The following DCDC1 variants were observed in gnomAD, a reference collection of about 807,000 sequenced individuals.
DCDC1 encodes the protein doublecortin domain-containing protein 1.
DCDC1 carries 200 observed loss-of-function variants against 178.3 expected under a neutral mutation model. That is an observed-to-expected ratio of 1.12 (90% confidence interval 1.00 to 1.26). The LOEUF (loss-of-function observed/expected upper bound fraction) is 1.26, where lower values mean the gene tolerates loss of function less well. Ranked by LOEUF, DCDC1 falls within the 50% of genes most tolerant of loss-of-function variation. The pLI, the probability that DCDC1 is intolerant of heterozygous loss-of-function variation, is 0.00. For missense variants in DCDC1, 1,983 were observed against 1,749.2 expected (o/e 1.13, Z -2.38); for synonymous variants, 690 against 604.8 (o/e 1.14, Z -2.07).
chr11:31,282,527 T>C (rs1349769845), intron 7 of DCDC1, among the ~76,000 whole-genome samples: 1 of 152,002 alleles, frequency 6.6e-6, no homozygotes, highest in African/African-American at 2.4e-5. Flanking sequence ...ATATATTTGG[T>C]TATTTATTTC....
intron 18 of DCDC1, among the ~76,000 whole-genome samples, chr11:31,074,323 C>T (rs1956742463): frequency 6.6e-6 from 1 of 152,110 alleles, no homozygotes; most frequent in South Asian, 2.1e-4. Flanking sequence ...ACACAAAAGT[C>T]ATTTGCTATG....
chr11:30,893,638 A>G (rs1943972317), intron 35 of DCDC1, among the ~76,000 whole-genome samples: 1 of 152,152 alleles, frequency 6.6e-6, no homozygotes, highest in African/African-American at 2.4e-5. Context: ...GCACGTGCCT[A>G]AGATTTAGAT....
At chr11:30,991,131 C>T (rs1950954300) in intron 20 of DCDC1, among the ~76,000 whole-genome samples, 1 of 152,088 alleles carries the variant, frequency 6.6e-6, no homozygotes, top group Non-Finnish European at 1.5e-5. Context: ...CATGAGGAGG[C>T]TGGCTTGAAA....
chr11:31,039,574 C>A (rs1344827330), intron 20 of DCDC1, among the ~76,000 whole-genome samples: 1 of 151,952 alleles, frequency 6.6e-6, no homozygotes, highest in Non-Finnish European at 1.5e-5. Flanking sequence ...GCACTTGGTA[C>A]ATTTCAGTAT....
At chr11:31,043,165 G>A (rs1954589237) in intron 20 of DCDC1, among the ~76,000 whole-genome samples, 1 of 152,142 alleles carries the variant, frequency 6.6e-6, no homozygotes. Context: ...CATAGTTAAG[G>A]TACAGGAAAA....
At chr11:31,055,266 A>C (rs796832938) in intron 20 of DCDC1, among the ~76,000 whole-genome samples, 4 of 152,340 alleles carry the variant, frequency 2.6e-5, no homozygotes, top group East Asian at 3.9e-4. Flanking sequence ...TGGAAATGCA[A>C]ATCAAAACCA....
intron 23 of DCDC1, 67 bp downstream of exon 23, chr11:30,925,242 A>T: frequency 1.5e-6 from 2 of 1,343,000 alleles, no homozygotes; most frequent in Non-Finnish European, 2.1e-6. Flanking sequence ...ACTTATATTT[A>T]AGGGGATTCT....
chr11:31,351,396 A>G (rs1369163906), intron 1 of DCDC1, among the ~76,000 whole-genome samples: 4 of 152,114 alleles, frequency 2.6e-5, no homozygotes, highest in Non-Finnish European at 4.4e-5. Flanking sequence ...AATACATGCA[A>G]TTTTTCAAAT....
chr11:31,173,501 T>C (rs1489407847), intron 9 of DCDC1, among the ~76,000 whole-genome samples: 2 of 152,206 alleles, frequency 1.3e-5, no homozygotes, highest in Non-Finnish European at 1.5e-5. Flanking sequence ...ATTTTATCTC[T>C]GGATTGTATA....
intron 9 of DCDC1, among the ~76,000 whole-genome samples, chr11:31,230,802 T>C (rs1029423761): frequency 6.6e-6 from 1 of 152,222 alleles, no homozygotes; most frequent in Non-Finnish European, 1.5e-5. Context: ...TCTGGCATGT[T>C]ATAAATATTG....
chr11:30,962,188 A>T (rs1949142767), intron 20 of DCDC1, among the ~76,000 whole-genome samples: 1 of 152,136 alleles, frequency 6.6e-6, no homozygotes, highest in Non-Finnish European at 1.5e-5. Context: ...TTAATTTGCA[A>T]GCCAAAATTT....
intron 1 of DCDC1, among the ~76,000 whole-genome samples, chr11:31,364,656 T>C (rs1951872099): frequency 6.6e-6 from 1 of 152,222 alleles, no homozygotes. Context: ...CTTAGTGTAC[T>C]GCCTTGCACA....
At chr11:31,124,666 A>C (rs1247129824) in intron 11 of DCDC1, among the ~76,000 whole-genome samples, 1 of 152,190 alleles carries the variant, frequency 6.6e-6, no homozygotes. Context: ...CAAACTTGAC[A>C]AAAACAAGCA....
Position 31,230,785 on chromosome 11 carries a change from T to C in DCDC1, c.1221+10665A>G, listed in dbSNP as rs530235680. 5.3e-5 allele frequency among the ~76,000 whole-genome samples: 8 copies of C among 151,916 alleles called. No homozygotes were observed. The South Asian group carries it at 1.7e-3, about 31-fold the overall frequency. ...TTAGCTTAAAAACAGTTACAAAGTA[T>C]GTAATTTCTGGCATGTTATAAATAT... On this transcript the variant is annotated intron_variant, in intron 9 of 38. Transcript: ENST00000684477.
chr11:30,985,635 T>A (rs1950602494), intron 20 of DCDC1, among the ~76,000 whole-genome samples: 1 of 152,134 alleles, frequency 6.6e-6, no homozygotes, highest in Non-Finnish European at 1.5e-5. Flanking sequence ...ATATGAAATA[T>A]TAAAAGTAAA....
chr11:31,013,638 C>T (rs894921541), intron 20 of DCDC1, among the ~76,000 whole-genome samples: 4 of 152,094 alleles, frequency 2.6e-5, no homozygotes, highest in African/African-American at 9.7e-5. Context: ...AAAACAGTGG[C>T]AGGTCAATAT....
intron 9 of DCDC1, among the ~76,000 whole-genome samples, chr11:31,153,855 T>TCATG (rs1965450283): frequency 7.3e-6 from 1 of 137,114 alleles, no homozygotes; most frequent in Non-Finnish European, 1.5e-5. Context: ...TCACACAGTG[T>TCATG]CATGCACACA....
intron 1 of DCDC1, among the ~76,000 whole-genome samples, chr11:31,346,042 C>T (rs1451451199): frequency 6.6e-6 from 1 of 152,122 alleles, no homozygotes; most frequent in African/African-American, 2.4e-5. Flanking sequence ...TGTAATTCCA[C>T]AGGAATTATA....
At chr11:31,142,793 G>C (rs770488260) in intron 9 of DCDC1, among the ~76,000 whole-genome samples, 3 of 151,886 alleles carry the variant, frequency 2.0e-5, no homozygotes, top group African/African-American at 7.3e-5. Flanking sequence ...GCACAAGATC[G>C]GGTTTCCAGG....
Sources: gnomAD v4.1 joint callset for allele counts (sites outside exome capture counted in the v4.1 genomes callset) on GRCh38, gnomAD v4.1.1 for gene constraint, MANE v1.5 for transcripts, NCBI Gene and HGNC (gene_info 2026-07-23, HGNC 2026-07-21) for gene names.